STRADA: variants seen among roughly 807,000 people sequenced by gnomAD.
STRADA encodes STE20-related kinase adapter protein alpha.
STRADA carries 26 observed loss-of-function variants against 55.0 expected under a neutral mutation model. The ratio of observed to expected loss-of-function variants is 0.47; its 90% CI spans 0.35 to 0.66. STRADA has a LOEUF of 0.66. Ranked by LOEUF, STRADA falls within the 30% of genes least tolerant of loss-of-function variation. The pLI is 0.01. For missense variants in STRADA, 443 were observed against 549.7 expected, an observed-to-expected ratio of 0.81 and a Z score of 1.94; for synonymous variants, 197 against 210.9, an observed-to-expected ratio of 0.93 and a Z score of 0.57.
chr17:63,708,429 A>T (rs918238481), intron 8 of STRADA, among the ~76,000 whole-genome samples: 1 of 151,236 alleles, frequency 6.6e-6, no homozygotes, highest in Non-Finnish European at 1.5e-5. Context: ...TGAACTCCTG[A>T]CCTCAAGAGA....
intron 1 of STRADA, among the ~76,000 whole-genome samples, chr17:63,740,258 C>T (rs1361622920): frequency 6.6e-6 from 1 of 150,856 alleles, no homozygotes; most frequent in African/African-American, 2.4e-5. Flanking sequence ...CGCCTGTAAT[C>T]CCAGCACTTT....
At chr17:63,738,008 A>G (rs916638219) in intron 1 of STRADA, among the ~76,000 whole-genome samples, 4 of 151,574 alleles carry the variant, frequency 2.6e-5, no homozygotes, top group Non-Finnish European at 5.9e-5. Flanking sequence ...AAGAGAAGAG[A>G]AAAGAAAAAC....
rs2035839849 is a variant in STRADA, at chr17:63,703,230, C to A, written c.*369G>T. 5.1e-6 allele frequency: 1 copy of A among 195,330 alleles called. No homozygotes were observed. Among genetic ancestry groups the A allele is most frequent in the African/African-American group, 2.4e-5 (1 of 42,510 alleles). 12.1% of individuals were successfully genotyped at this position (195,330 alleles called of 1,614,324 possible). A position where few individuals can be genotyped will look rare whatever the true frequency, so the allele number is the denominator to read the frequency against. On this transcript the variant is annotated 3_prime_UTR_variant, in exon 13 of 13. Coordinates refer to ENST00000336174, the MANE Select transcript of STRADA (RefSeq NM_001003787.4). ...AAGTTAAATAGAATGAGGCTGGTCG[C>A]AAGCACTGGGAAGAGGTGGCGGTCC...
intron 4 of STRADA, 139 bp downstream of exon 4, chr17:63,723,159 T>C: frequency 9.3e-7 from 1 of 1,079,122 alleles, no homozygotes; most frequent in Non-Finnish European, 1.4e-6. Flanking sequence ...TCTCCACAAG[T>C]ACAAAAATCA....
At chr17:63,707,148 C>G (rs2036147294) in intron 9 of STRADA, 99 bp downstream of exon 9, 1 of 1,486,714 alleles carries the variant, frequency 6.7e-7, no homozygotes, top group African/African-American at 1.4e-5. Context: ...CCCTTTACCC[C>G]ACTGGGAGGT....
At position 63,713,628 on chromosome 17, in the gene STRADA, T is replaced by G; in HGVS notation, c.227-101A>C. 2.7e-6 allele frequency: 4 copies of G among 1,493,958 alleles called. No homozygotes were observed. The South Asian group carries it at 3.7e-5, about 14-fold the overall frequency. The allele number at this position is 1,493,958 out of a possible 1,614,324, so 92.5% of individuals were successfully genotyped here. A position where few individuals can be genotyped will look rare whatever the true frequency, so the allele number is the denominator to read the frequency against. Reference sequence around the variant, plus strand: ...GGACTTGATTTCAAAAGAAACTTAATGTTAAATTTTTCACTACTGTTACTT... The same window carrying G: ...GGACTTGATTTCAAAAGAAACTTAAGGTTAAATTTTTCACTACTGTTACTT... On this transcript the variant is annotated intron_variant, in intron 5 of 12. Transcript: ENST00000336174.
intron 4 of STRADA, among the ~76,000 whole-genome samples, chr17:63,716,723 G>A (rs1171061782): frequency 2.6e-5 from 4 of 152,146 alleles, no homozygotes; most frequent in East Asian, 1.9e-4. Context: ...CAAGGTGTAC[G>A]TCCATATTAA....
At chr17:63,739,636 ATGTATG>A (rs998894827) in intron 1 of STRADA, among the ~76,000 whole-genome samples, 2 of 150,884 alleles carry the variant, frequency 1.3e-5, no homozygotes, top group African/African-American at 2.4e-5. Context: ...AGAAATACAT[ATGTATG>A]TGTATATTAT....
At chr17:63,709,786 A>C (rs1453281837) in intron 8 of STRADA, among the ~76,000 whole-genome samples, 1 of 152,142 alleles carries the variant, frequency 6.6e-6, no homozygotes. Flanking sequence ...CCCTACTATG[A>C]GCTGATTTCC....
At chr17:63,711,700 G>A (rs1391624022) in intron 6 of STRADA, among the ~76,000 whole-genome samples, 4 of 151,934 alleles carry the variant, frequency 2.6e-5, no homozygotes, top group Admixed American at 1.3e-4. Context: ...TTTGGGAGGC[G>A]AGGCAGGCAG....
rs370096068 is a variant in STRADA, at chr17:63,704,391, G to A, written c.1050C>T (p.Pro350=). ...PSHPYHRTFS[P]HFHHFVEQCL... ...ACTGCTCCACAAAGTGGTGGAAGTG[G>A]GGGGAGAAGGTTCGGTGGTAGGGGT... The change falls in exon 11 of 13, where the codon CCC becomes CCT. Residue 350 remains proline (P), a synonymous_variant. Transcript: ENST00000336174. The A allele has an allele frequency of 1.2e-6, 2 of 1,612,770 alleles. No individual in the cohort carries two copies. Among genetic ancestry groups the A allele is most frequent in the Non-Finnish European group, 1.7e-6 (2 of 1,179,622 alleles).
chr17:63,703,799 C>A (rs1009163968), intron 12 of STRADA, 48 bp from the exon 13 acceptor site: 20 of 1,609,522 alleles, frequency 1.2e-5, no homozygotes, highest in Non-Finnish European at 1.7e-5. Context: ...GCTCTGGGTC[C>A]CAGGACACCA....
intron 2 of STRADA, chr17:63,726,909 T>C (rs2037700554): frequency 1.7e-6 from 1 of 584,542 alleles, no homozygotes; most frequent in East Asian, 2.9e-5. Flanking sequence ...TGAATAATTC[T>C]TAAATTTGAC....
intron 3 of STRADA, chr17:63,723,532 G>T (rs1226718027): frequency 1.6e-5 from 9 of 580,148 alleles, no homozygotes; most frequent in Non-Finnish European, 1.2e-5. Flanking sequence ...TTTAAACATG[G>T]ATCTATGGTT....
chr17:63,710,835 C>A lies in STRADA; in HGVS notation c.350G>T (p.Gly117Val), dbSNP rs2036451360. ...GAAGAGTTTGGAGACATGCAGCTCGCCCTGGAAGCAATGATGAAGCTGAAG... is the reference window on the plus strand; with the variant it reads ...GAAGAGTTTGGAGACATGCAGCTCGACCTGGAAGCAATGATGAAGCTGAAG... ...CSNEMVTFLQ[G>V]ELHVSKLFNH... The change falls in exon 7 of 13, where the codon GGC becomes GTC. Residue 117 changes from glycine (G) to valine (V), a missense_variant and splice_region_variant. Transcript: ENST00000336174. 1 of 1,614,054 alleles carries A rather than the reference C, an allele frequency of 6.2e-7. No homozygotes were observed. Among genetic ancestry groups the A allele is most frequent in the Middle Eastern group, 1.6e-4 (1 of 6,062 alleles).
chr17:63,735,988 C>T (rs566298426), intron 1 of STRADA, among the ~76,000 whole-genome samples: 1 of 152,232 alleles, frequency 6.6e-6, no homozygotes, highest in South Asian at 2.1e-4. Flanking sequence ...CCAGGCCAGG[C>T]TGGAGTGCAA....
At chr17:63,715,407 C>T (rs1377191388) in intron 4 of STRADA, 1 of 152,208 alleles carries the variant, frequency 6.6e-6, no homozygotes, top group African/African-American at 2.4e-5. Context: ...GATTAATCTA[C>T]CACCCTGTTG....
chr17:63,739,219 A>G (rs1036153764), intron 1 of STRADA, among the ~76,000 whole-genome samples: 7 of 150,794 alleles, frequency 4.6e-5, no homozygotes, highest in African/African-American at 1.2e-4. Flanking sequence ...ATTTTTCTTT[A>G]TAGCCCCCTA....
In STRADA at chr17:63,710,840, G is replaced by A. The variant is rs907420614; in HGVS notation, c.349-4C>T. ...GTTTGGAGACATGCAGCTCGCCCTG[G>A]AAGCAATGATGAAGCTGAAGTCAGA... On this transcript the variant is annotated splice_region_variant and splice_polypyrimidine_tract_variant and intron_variant, in intron 6 of 12. Transcript: ENST00000336174. 7 of 1,613,934 alleles carry A rather than the reference G, an allele frequency of 4.3e-6. No individual in the cohort carries two copies. Among genetic ancestry groups the A allele is most frequent in the Non-Finnish European group, 5.1e-6 (6 of 1,179,948 alleles).
Sources: gnomAD v4.1 joint callset for allele counts (sites outside exome capture counted in the v4.1 genomes callset) on GRCh38, gnomAD v4.1.1 for gene constraint, MANE v1.5 for transcripts, NCBI Gene and HGNC (gene_info 2026-07-23, HGNC 2026-07-21) for gene names.